The following GUCA1C variants were observed in gnomAD, a reference collection of about 807,000 sequenced individuals.
GUCA1C encodes the protein guanylyl cyclase-activating protein 3.
Under a neutral mutation model 16.2 loss-of-function variants are expected in GUCA1C, and 15 were observed. That is an observed-to-expected ratio of 0.93 (90% CI 0.62 to 1.43). The LOEUF (loss-of-function observed/expected upper bound fraction) is 1.43. GUCA1C is among the 40% of genes most tolerant of loss of function. The pLI, the probability that GUCA1C is intolerant of heterozygous loss-of-function variation, is 0.00. For missense variants in GUCA1C, 275 were observed against 244.8 expected (o/e 1.12, Z -0.82); for synonymous variants, 78 against 85.4 (o/e 0.91, Z 0.48).
At chr3:108,922,308 C>T (rs1179812926) in intron 1 of GUCA1C, among the ~76,000 whole-genome samples, 1 of 152,118 alleles carries the variant, frequency 6.6e-6, no homozygotes, top group Admixed American at 6.5e-5. Context: ...CATGCATGTG[C>T]AAGTATCTTT....
intron 1 of GUCA1C, among the ~76,000 whole-genome samples, chr3:108,946,035 A>G (rs2107316137): frequency 6.6e-6 from 1 of 152,150 alleles, no homozygotes; most frequent in African/African-American, 2.4e-5. Flanking sequence ...CTGCCCTTGA[A>G]CCCTCTGAGC....
Position 108,933,083 on chromosome 3 carries a change from T to C in GUCA1C, c.205-12498A>G, listed in dbSNP as rs114977279. 6.7e-3 allele frequency among the ~76,000 whole-genome samples: 1,018 copies of C among 152,310 alleles called. 12 individuals carry two copies. The highest frequency in any genetic ancestry group is 0.023 in the African/African-American group (949 of 41,568). ...CCTCTCTCATCTGCTTCTCCACATA[T>C]GTCATACTCTTCCATTTCCTAATCT... On this transcript the variant is annotated intron_variant, in intron 1 of 3. Transcript: ENST00000261047.
In GUCA1C at chr3:108,927,419, AT is replaced by A. The variant is rs1304016800; in HGVS notation, c.205-6835del. ...CCCAAACTTCTTGGAGGTTCTGTTC[AT>A]TTTTTTTAATTCTTTTTTTTTTTTT... On this transcript the variant is annotated intron_variant, in intron 1 of 3. Transcript: ENST00000261047. Among the ~76,000 whole-genome samples, 117 of 130,822 alleles carry A rather than the reference AT, an allele frequency of 8.9e-4. 1 individual carries two copies. The highest frequency in any genetic ancestry group is 2.2e-3 in the African/African-American group (72 of 33,048). The allele number at this position is 130,822 out of a possible 152,430, so 85.8% of individuals were successfully genotyped here.
intron 2 of GUCA1C, among the ~76,000 whole-genome samples, chr3:108,917,032 C>T: frequency 6.6e-6 from 1 of 152,120 alleles, no homozygotes; most frequent in East Asian, 1.9e-4. Flanking sequence ...ACTTGAGTTC[C>T]AGGAGTAATC....
Position 108,916,124 on chromosome 3 carries a change from T to C in GUCA1C, c.442+3A>G, listed in dbSNP as rs778571765. 1 of 1,612,220 alleles carries C rather than the reference T, an allele frequency of 6.2e-7. No individual in the cohort carries two copies. The highest frequency in any genetic ancestry group is 8.5e-7 in the Non-Finnish European group (1 of 1,178,372). ...GTGATCCAGTAGAGAGTAGCTCCAT[T>C]ACCATCATTGTTTATATCGATCTTA... is the stretch of plus-strand genomic sequence containing the variant. On this transcript the variant is annotated splice_donor_region_variant and intron_variant, in intron 3 of 3. Coordinates refer to ENST00000261047, the MANE Select transcript of GUCA1C (RefSeq NM_005459.4).
chr3:108,949,581 A>ACT (rs112815761), intron 1 of GUCA1C, among the ~76,000 whole-genome samples: 14 of 152,334 alleles, frequency 9.2e-5, no homozygotes, highest in African/African-American at 3.1e-4. Context: ...CATCTAGGGC[A>ACT]TTGGTCAATT....
Position 108,907,893 on chromosome 3 carries a change from TG to T in GUCA1C, c.*128del. On this transcript the variant is annotated 3_prime_UTR_variant, in exon 4 of 4. Transcript: ENST00000261047. ...CAAGTCTCTACTGGATTAAAATAAG[TG>T]CTATATTCACAAGCCTATATGAATT... The T allele has an allele frequency of 1.5e-6, 1 of 648,020 alleles. No individual in the cohort carries two copies. The highest frequency in any genetic ancestry group is 2.7e-6 in the Non-Finnish European group (1 of 374,786). The allele number at this position is 648,020 out of a possible 1,614,324, so 40.1% of individuals were successfully genotyped here. A position where few individuals can be genotyped will look rare whatever the true frequency, so the allele number is the denominator to read the frequency against.
intron 1 of GUCA1C, among the ~76,000 whole-genome samples, chr3:108,951,382 A>G (rs1946894302): frequency 6.6e-6 from 1 of 152,216 alleles, no homozygotes. Context: ...TATGTATCTC[A>G]TAACATCATG....
intron 1 of GUCA1C, among the ~76,000 whole-genome samples, chr3:108,929,558 T>C (rs1360237227): frequency 6.6e-6 from 1 of 152,200 alleles, no homozygotes; most frequent in Non-Finnish European, 1.5e-5. Flanking sequence ...CTTAGTTTCT[T>C]ACCATTAAGT....
At chr3:108,917,371 A>G (rs1313914949) in intron 2 of GUCA1C, among the ~76,000 whole-genome samples, 2 of 152,200 alleles carry the variant, frequency 1.3e-5, no homozygotes, top group African/African-American at 4.8e-5. Context: ...TACTGATTGG[A>G]AAGTGGAGGA....
chr3:108,912,662 G>T (rs1946468344), intron 3 of GUCA1C, among the ~76,000 whole-genome samples: 1 of 145,616 alleles, frequency 6.9e-6, no homozygotes. Flanking sequence ...ACTGATCCAG[G>T]TTTATATTTT....
chr3:108,931,073 A>G (rs1201560916), intron 1 of GUCA1C, among the ~76,000 whole-genome samples: 1 of 152,162 alleles, frequency 6.6e-6, no homozygotes, highest in Non-Finnish European at 1.5e-5. Context: ...AGTCTCCTGG[A>G]CAGTTATTGT....
intron 1 of GUCA1C, among the ~76,000 whole-genome samples, chr3:108,940,403 C>G (rs893933951): frequency 2.6e-5 from 4 of 152,146 alleles, no homozygotes; most frequent in Middle Eastern, 3.2e-3. Flanking sequence ...TTAAGGGCTC[C>G]TATACAAAGA....
At chr3:108,945,443 A>G (rs1946834938) in intron 1 of GUCA1C, among the ~76,000 whole-genome samples, 1 of 152,158 alleles carries the variant, frequency 6.6e-6, no homozygotes, top group Admixed American at 6.5e-5. Context: ...CATCATGGAG[A>G]CTTTATATTT....
At chr3:108,910,661 T>TC (rs1326050660) in intron 3 of GUCA1C, among the ~76,000 whole-genome samples, 2 of 151,938 alleles carry the variant, frequency 1.3e-5, no homozygotes, top group Non-Finnish European at 2.9e-5. Flanking sequence ...TTCTTCTTCT[T>TC]TTTTTTGAGA....
intron 1 of GUCA1C, among the ~76,000 whole-genome samples, chr3:108,936,481 T>G (rs1041489081): frequency 6.6e-6 from 1 of 152,192 alleles, no homozygotes; most frequent in African/African-American, 2.4e-5. Context: ...TCAGAGAAGT[T>G]AAATAAATGA....
At chr3:108,953,329 T>C (rs1311137067) in intron 1 of GUCA1C, among the ~76,000 whole-genome samples, 1 of 152,184 alleles carries the variant, frequency 6.6e-6, no homozygotes, top group Non-Finnish European at 1.5e-5. Flanking sequence ...ACTCCCTACA[T>C]GCAGAACACT....
chr3:108,946,332 A>G (rs189099163), intron 1 of GUCA1C, among the ~76,000 whole-genome samples: 21 of 152,066 alleles, frequency 1.4e-4, no homozygotes, highest in African/African-American at 5.1e-4. Flanking sequence ...AGGTTTTGCT[A>G]TGTTGCCCAT....
intron 3 of GUCA1C, among the ~76,000 whole-genome samples, chr3:108,915,007 C>T (rs1428862743): frequency 1.3e-5 from 2 of 152,184 alleles, no homozygotes; most frequent in South Asian, 2.1e-4. Flanking sequence ...CACCGAGGTG[C>T]TTAAGAGAAG....
Sources: allele counts gnomAD v4.1 joint callset (sites outside exome capture counted in the v4.1 genomes callset), GRCh38; gene constraint gnomAD v4.1.1; transcripts MANE v1.5; gene names NCBI Gene and HGNC (gene_info 2026-07-23, HGNC 2026-07-21).